SLAMF8: variants seen among roughly 807,000 people sequenced by gnomAD.
SLAMF8 encodes B lymphocyte activator macrophage expressed.
In SLAMF8, 23 loss-of-function variants were observed where a neutral mutation model predicts 29.0. The observed-to-expected ratio is 0.79, with a 90% CI of 0.57 to 1.13. The LOEUF (loss-of-function observed/expected upper bound fraction) is 1.13. Among genes scored for constraint, SLAMF8 ranks in the 50% most tolerant of loss-of-function variants. The pLI is 0.00. For synonymous variants in SLAMF8, 139 were observed against 145.6 expected (o/e 0.96, Z 0.32); for missense variants, 381 against 353.1 (o/e 1.08, Z -0.63).
In SLAMF8 at chr1:159,835,596, C is replaced by G; in HGVS notation, c.*336C>G. 1.9e-6 allele frequency: 2 copies of G among 1,061,520 alleles called. No individual in the cohort carries two copies. The highest frequency in any genetic ancestry group is 2.3e-6 in the Non-Finnish European group (2 of 878,402). The allele number at this position is 1,061,520 out of a possible 1,614,324, so 65.8% of individuals were successfully genotyped here. A position where few individuals can be genotyped will look rare whatever the true frequency, so the allele number is the denominator to read the frequency against. On this transcript the variant is annotated 3_prime_UTR_variant, in exon 5 of 5. Transcript: ENST00000289707. ...ATAGTCCAAGGCATTCCCTCCCCCACCACTATTCATAAAGTATTAACCAAC... is the reference window on the plus strand; with the variant it reads ...ATAGTCCAAGGCATTCCCTCCCCCAGCACTATTCATAAAGTATTAACCAAC...
In SLAMF8 at chr1:159,833,090, C is replaced by G; in HGVS notation, c.582C>G (p.Asp194Glu). 6.2e-7 allele frequency: 1 copy of G among 1,614,218 alleles called. No individual in the cohort carries two copies. The highest frequency in any genetic ancestry group is 8.5e-7 in the Non-Finnish European group (1 of 1,180,034). Residue 194 changes from aspartate (D) to glutamate (E), a missense_variant, in exon 3 of 5, where the codon GAC becomes GAG. By Grantham distance (45) the Asp-to-Glu change is conservative (BLOSUM62 2). Coordinates refer to ENST00000289707, the MANE Select transcript of SLAMF8 (RefSeq NM_020125.3). ...QVLSISLGPG[D>E]RDVAYSCIVS... ...TGAGCATTTCCCTGGGACCAGGAGA[C>G]AGAGATGTGGCCTATTCCTGCATTG...
chr1:159,836,478 GATA>G lies in SLAMF8; in HGVS notation c.*1220_*1222del. On this transcript the variant is annotated 3_prime_UTR_variant, in exon 5 of 5. Transcript: ENST00000289707. ...AACTTACCTTCGGGGATTATTAGCT[GATA>G]AGGTTCACAGTTTCTCTCACCCAGG... The G allele has an allele frequency of 1.0e-6, 1 of 985,470 alleles. No homozygotes were observed. 61.0% of individuals were successfully genotyped at this position (985,470 alleles called of 1,614,324 possible).
intron 2 of SLAMF8, 104 bp from the exon 3 acceptor site, chr1:159,832,772 C>G (rs1340656926): frequency 7.7e-7 from 1 of 1,294,940 alleles, no homozygotes; most frequent in Non-Finnish European, 1.1e-6. Context: ...ACAAGAGAGG[C>G]CTAGCCAGAG....
chr1:159,833,531 A>T (rs929158482), intron 4 of SLAMF8, among the ~76,000 whole-genome samples, 162 bp downstream of exon 4: 1 of 152,170 alleles, frequency 6.6e-6, no homozygotes, highest in African/African-American at 2.4e-5. Flanking sequence ...GTTTACAACC[A>T]GACTCAACTA....
chr1:159,832,724 T>A (rs1647573172), intron 2 of SLAMF8, 152 bp from the exon 3 acceptor site: 4 of 769,738 alleles, frequency 5.2e-6, no homozygotes, highest in Non-Finnish European at 6.3e-6. Context: ...ATTCAGCTTC[T>A]GTCCTGTGGG....
chr1:159,836,302 C>G lies in SLAMF8; in HGVS notation c.*1042C>G, dbSNP rs1647929810. On this transcript the variant is annotated 3_prime_UTR_variant, in exon 5 of 5. Coordinates refer to ENST00000289707, the MANE Select transcript of SLAMF8 (RefSeq NM_020125.3). ...GTTCAAGGGGAGGGGACAAAGACCC[C>G]ACAGCCCAACAGCAGGACTGTAGAG... 3 of 983,596 alleles carry G rather than the reference C, an allele frequency of 3.1e-6. No individual in the cohort carries two copies. Among genetic ancestry groups the G allele is most frequent in the South Asian group, 9.4e-5 (2 of 21,244 alleles). The allele number at this position is 983,596 out of a possible 1,614,324, so 60.9% of individuals were successfully genotyped here.
At chr1:159,828,258 G>A (rs1260001834) in intron 1 of SLAMF8, among the ~76,000 whole-genome samples, 3 of 152,142 alleles carry the variant, frequency 2.0e-5, no homozygotes, top group Non-Finnish European at 4.4e-5. Context: ...GCACACAGCT[G>A]ATCTGTGGCA....
At chr1:159,829,798 T>C (rs1571133420) in intron 1 of SLAMF8, 68 bp from the exon 2 acceptor site, 1 of 1,418,036 alleles carries the variant, frequency 7.1e-7, no homozygotes, top group Non-Finnish European at 9.2e-7. Context: ...CTATAGCAGC[T>C]CAGATGCATG....
Position 159,835,290 on chromosome 1 carries a change from C to G in SLAMF8, c.*30C>G. 2 of 1,607,854 alleles carry G rather than the reference C, an allele frequency of 1.2e-6. No individual in the cohort carries two copies. Among genetic ancestry groups the G allele is most frequent in the Non-Finnish European group, 1.7e-6 (2 of 1,178,022 alleles). ...CAATATGAACTGATGCCTGGACTAT[C>G]AGTAACCCCACTGCACAGGCACACG... On this transcript the variant is annotated 3_prime_UTR_variant, in exon 5 of 5. Transcript: ENST00000289707.
intron 1 of SLAMF8, among the ~76,000 whole-genome samples, chr1:159,829,394 T>C (rs926780843): frequency 6.6e-6 from 1 of 152,156 alleles, no homozygotes; most frequent in Non-Finnish European, 1.5e-5. Context: ...TACTCTCAGT[T>C]CCCCTGGGCA....
At chr1:159,835,070 TACCTAAGGTG>T (rs1375263420) in intron 4 of SLAMF8, 104 bp from the exon 5 acceptor site, 3 of 917,664 alleles carry the variant, frequency 3.3e-6, no homozygotes, top group African/African-American at 3.3e-5. Context: ...AATGTTCCTT[TACCTAAGGTG>T]ACCTTGGGCT....
chr1:159,827,163 T>C (rs931193354), intron 1 of SLAMF8, among the ~76,000 whole-genome samples: 6 of 152,160 alleles, frequency 3.9e-5, no homozygotes, highest in Non-Finnish European at 4.4e-5. Flanking sequence ...GGGGTATTCT[T>C]ATCTGTGAGA....
chr1:159,827,836 C>CTTT lies in SLAMF8; in HGVS notation c.40+908_40+910dup, dbSNP rs912058942. ...GTTTGGTGAGACAAAAATAATTTGC[C>CTTT]TTTTTTTTTTTTCTTTGAGACGGAG... On this transcript the variant is annotated intron_variant, in intron 1 of 4. Coordinates refer to ENST00000289707, the MANE Select transcript of SLAMF8 (RefSeq NM_020125.3). 3.8e-3 allele frequency among the ~76,000 whole-genome samples: 560 copies of CTTT among 146,042 alleles called. 2 individuals carry two copies. The highest frequency in any genetic ancestry group is 0.013 in the African/African-American group (531 of 39,992).
At position 159,836,891 on chromosome 1, in the gene SLAMF8, C is replaced by T. The variant is rs1647982185; in HGVS notation, c.*1631C>T. 1.0e-5 allele frequency: 10 copies of T among 985,436 alleles called. No homozygotes were observed. The highest frequency in any genetic ancestry group is 1.7e-5 in the African/African-American group (1 of 57,240). The allele number at this position is 985,436 out of a possible 1,614,324, so 61.0% of individuals were successfully genotyped here. On this transcript the variant is annotated 3_prime_UTR_variant, in exon 5 of 5. Transcript: ENST00000289707. ...TACCTGAACAGGGTCCATGGCCACT[C>T]AACCTGTCAGCTTGCACCATCCCCA...
chr1:159,830,685 A>G (rs781484525), intron 2 of SLAMF8, among the ~76,000 whole-genome samples: 1 of 152,216 alleles, frequency 6.6e-6, no homozygotes, highest in African/African-American at 2.4e-5. Flanking sequence ...AGGAAAAAAA[A>G]TGATGTACCA....
intron 1 of SLAMF8, among the ~76,000 whole-genome samples, chr1:159,829,072 T>C (rs568769506): frequency 1.3e-5 from 2 of 152,254 alleles, no homozygotes; most frequent in South Asian, 4.2e-4. Flanking sequence ...CACACCATCT[T>C]CGTGTTTCTC....
At chr1:159,826,994 T>C in intron 1 of SLAMF8, 56 bp downstream of exon 1, 1 of 1,606,932 alleles carries the variant, frequency 6.2e-7, no homozygotes, top group Admixed American at 1.7e-5. Context: ...CCTCCCCAGC[T>C]GCCTATGCCA....
At chr1:159,832,122 A>G (rs1647527234) in intron 2 of SLAMF8, among the ~76,000 whole-genome samples, 1 of 152,186 alleles carries the variant, frequency 6.6e-6, no homozygotes, top group South Asian at 2.1e-4. Context: ...CTAGGACACC[A>G]GGATATCAGT....
chr1:159,837,051 C>T lies in SLAMF8; in HGVS notation c.*1791C>T. ...GGTGGATTTGTGGGGAAAAAATACA[C>T]AGCACTCCCCACCTTTCTTTCGTTC... On this transcript the variant is annotated 3_prime_UTR_variant, in exon 5 of 5. Transcript: ENST00000289707. 1 of 985,378 alleles carries T rather than the reference C, an allele frequency of 1.0e-6. No homozygotes were observed. Among genetic ancestry groups the T allele is most frequent in the Non-Finnish European group, 1.2e-6 (1 of 829,934 alleles). 61.0% of individuals were successfully genotyped at this position (985,378 alleles called of 1,614,324 possible).
Sources: allele counts gnomAD v4.1 joint callset (sites outside exome capture counted in the v4.1 genomes callset), GRCh38; gene constraint gnomAD v4.1.1; transcripts MANE v1.5; gene names NCBI Gene and HGNC (gene_info 2026-07-23, HGNC 2026-07-21).